Variants in MANBA observed in about 807,000 individuals in gnomAD.
MANBA encodes beta-mannosidase.
A neutral mutation model predicts 111.1 loss-of-function variants in MANBA; 83 were observed. The ratio of observed to expected loss-of-function variants is 0.75; its 90% CI spans 0.63 to 0.90. The LOEUF is 0.90. MANBA is among the 40% of genes least tolerant of loss of function. The pLI, the probability that MANBA is intolerant of heterozygous loss-of-function variation, is 0.00. For missense variants in MANBA, 1,036 were observed against 1,069.0 expected, an observed-to-expected ratio of 0.97 and a Z score of 0.43; for synonymous variants, 370 against 378.7, an observed-to-expected ratio of 0.98 and a Z score of 0.27.
In MANBA at chr4:102,723,889, C is replaced by T. The variant is rs1722681895; in HGVS notation, c.351G>A (p.Gly117=). 1.2e-6 allele frequency: 2 copies of T among 1,603,558 alleles called. No homozygotes were observed. The highest frequency in any genetic ancestry group is 1.3e-5 in the African/African-American group (1 of 74,418). ...ATCTATTGAACATATTGTCTGTTTC[C>T]CCAATAGTGACTTCATTGAACAGGA... is the stretch of plus-strand genomic sequence containing the variant. ...SKILFNEVTI[G]ETDNMFNRYS... Residue 117 remains glycine, a synonymous_variant, in exon 3 of 17, where the codon GGG becomes GGA. Coordinates refer to ENST00000647097, the MANE Select transcript of MANBA (RefSeq NM_005908.4).
chr4:102,632,764 T>G (rs1219658078), intron 16 of MANBA, among the ~76,000 whole-genome samples: 1 of 152,270 alleles, frequency 6.6e-6, no homozygotes, highest in East Asian at 1.9e-4. Flanking sequence ...AGCTTATCTC[T>G]TTTACTGCAT....
Position 102,657,804 on chromosome 4 carries a change from AATAATTGCTATTAGG to A in MANBA, c.1567_1581del (p.Pro523_Tyr527del), listed in dbSNP as rs1242664226. 1 of 1,613,646 alleles carries A rather than the reference AATAATTGCTATTAGG, an allele frequency of 6.2e-7. No homozygotes were observed. The highest frequency in any genetic ancestry group is 1.3e-5 in the African/African-American group (1 of 74,920). Reference sequence around the variant, plus strand: ...TAGTCATAAAAATGTACATCACCAAAATAATTGCTATTAGGGTTTTGAGAGACCCAGGCTTCTGCA... The same window carrying A: ...TAGTCATAAAAATGTACATCACCAAAGTTTTGAGAGACCCAGGCTTCTGCA... On this transcript the variant is annotated inframe_deletion, in exon 12 of 17. Transcript: ENST00000647097.
Position 102,634,998 on chromosome 4 carries a change from C to T in MANBA, c.2205G>A (p.Val735=). The T allele has an allele frequency of 3.1e-6, 5 of 1,614,204 alleles. No individual in the cohort carries two copies. The highest frequency in any genetic ancestry group is 4.2e-6 in the Non-Finnish European group (5 of 1,180,016). Residue 735 remains valine, a synonymous_variant, in exon 16 of 17, where the codon GTG becomes GTA. Transcript: ENST00000647097. Reference sequence around the variant, plus strand: ...CTCCTTTCATCACAAAACGTTCAGTCACACGAGAGCACACGGGCTCCAGGG... The same window carrying T: ...CTCCTTTCATCACAAAACGTTCAGTTACACGAGAGCACACGGGCTCCAGGG... The part of the protein sequence containing the change: ...WSSLEPVCSR[V]TERFVMKGGE...
intron 7 of MANBA, among the ~76,000 whole-genome samples, chr4:102,683,168 T>C (rs1254469754): frequency 6.7e-6 from 1 of 149,932 alleles, no homozygotes; most frequent in African/African-American, 2.5e-5. Context: ...CAAAGTGACA[T>C]TAAAAAAGAA....
At chr4:102,658,758 G>A (rs1283866958) in intron 11 of MANBA, 1 of 152,208 alleles carries the variant, frequency 6.6e-6, no homozygotes, top group East Asian at 1.9e-4. Context: ...GGAATAAGGT[G>A]TCTATATCTC....
At chr4:102,726,097 T>G (rs1722784169) in intron 2 of MANBA, among the ~76,000 whole-genome samples, 1 of 148,490 alleles carries the variant, frequency 6.7e-6, no homozygotes, top group Non-Finnish European at 1.5e-5. Context: ...AGTAAATAAT[T>G]ACCAAAAAAA....
intron 11 of MANBA, among the ~76,000 whole-genome samples, chr4:102,661,949 G>C (rs1448441187): frequency 1.3e-5 from 2 of 152,146 alleles, no homozygotes; most frequent in Non-Finnish European, 2.9e-5. Context: ...CTAATACTTT[G>C]ATGGAAACTA....
chr4:102,757,291 T>C (rs1243089572), intron 1 of MANBA, among the ~76,000 whole-genome samples: 1 of 151,396 alleles, frequency 6.6e-6, no homozygotes, highest in Non-Finnish European at 1.5e-5. Flanking sequence ...ATAGTACCAT[T>C]GCATTCCAGC....
rs1349659532 is a variant in MANBA, at chr4:102,748,901, A to G, written c.177+11817T>C. Among the ~76,000 whole-genome samples the G allele has an allele frequency of 2.0e-5, 3 of 152,154 alleles. No individual in the cohort carries two copies. In the East Asian group the frequency reaches 5.8e-4, roughly 29 times the overall value. On this transcript the variant is annotated intron_variant, in intron 1 of 16. Coordinates refer to ENST00000647097, the MANE Select transcript of MANBA (RefSeq NM_005908.4). ...GCACTCCAGCCTGGGTGACAAAGCA[A>G]GACTCCATCTAAAAAGAAAAAAAAA...
chr4:102,713,586 A>G (rs1470341953), intron 5 of MANBA, among the ~76,000 whole-genome samples: 2 of 152,216 alleles, frequency 1.3e-5, no homozygotes, highest in African/African-American at 4.8e-5. Flanking sequence ...TCAACTTAAA[A>G]AGTACTATTT....
chr4:102,660,631 AT>A (rs1560755018), intron 11 of MANBA, among the ~76,000 whole-genome samples: 2 of 151,358 alleles, frequency 1.3e-5, no homozygotes, highest in Admixed American at 6.6e-5. Context: ...AATTTTTTAA[AT>A]TTTTTTGGAG....
At chr4:102,687,187 G>A (rs1732255839) in intron 7 of MANBA, among the ~76,000 whole-genome samples, 1 of 151,976 alleles carries the variant, frequency 6.6e-6, no homozygotes, top group African/African-American at 2.4e-5. Flanking sequence ...ACATCATCAA[G>A]CCTGCTGAGG....
chr4:102,631,086 C>T lies in MANBA; in HGVS notation c.*971G>A, dbSNP rs1729354375. ...CTACGGAGTCCCAGCCCTAAGTCCC[C>T]TTATCCCCTTGATAAGGCTTTGTGT... is the stretch of plus-strand genomic sequence containing the variant. On this transcript the variant is annotated 3_prime_UTR_variant, in exon 17 of 17. Coordinates refer to ENST00000647097, the MANE Select transcript of MANBA (RefSeq NM_005908.4). 6.6e-6 allele frequency: 1 copy of T among 150,862 alleles called. No individual in the cohort carries two copies. Among genetic ancestry groups the T allele is most frequent in the Non-Finnish European group, 1.5e-5 (1 of 68,354 alleles). 9.3% of individuals were successfully genotyped at this position (150,862 alleles called of 1,614,324 possible).
chr4:102,755,394 G>A (rs1723971609), intron 1 of MANBA, among the ~76,000 whole-genome samples: 1 of 152,166 alleles, frequency 6.6e-6, no homozygotes. Flanking sequence ...TTAATAAATG[G>A]TGCTGGGAAA....
At position 102,760,836 on chromosome 4, in the gene MANBA, T is replaced by C; in HGVS notation, c.59A>G (p.Glu20Gly). 2 of 1,569,722 alleles carry C rather than the reference T, an allele frequency of 1.3e-6. No individual in the cohort carries two copies. Among genetic ancestry groups the C allele is most frequent in the Non-Finnish European group, 1.7e-6 (2 of 1,158,090 alleles). ...ALCGAGTTAA[E>G]LSYSLRGNWS... is the part of the protein sequence containing the mutation. Reference sequence around the variant, plus strand: ...GTTGCCACGCAAGCTGTAACTGAGCTCCGCGGCGGTGGTGCCTGCACCGCA... The same window carrying C: ...GTTGCCACGCAAGCTGTAACTGAGCCCCGCGGCGGTGGTGCCTGCACCGCA... Residue 20 changes from glutamate to glycine, a missense_variant, in exon 1 of 17, where the codon GAG (glutamate) becomes GGG (glycine). Glu to Gly is a moderately conservative substitution (Grantham distance 98). Transcript: ENST00000647097.
chr4:102,726,636 C>T lies in MANBA; in HGVS notation c.225G>A (p.Leu75=), dbSNP rs1297315915. Residue 75 remains leucine, a synonymous_variant, in exon 2 of 17, where the codon TTG becomes TTA. Transcript: ENST00000647097. ...FNDLNYRWVS[L]DNWTYSKEFK... ...ATTCTTTGCTATAGGTCCAGTTATC[C>T]AAAGAGACCCATCTGTAGTTAAGGT... is the stretch of plus-strand genomic sequence containing the variant. The T allele has an allele frequency of 6.4e-7, 1 of 1,574,164 alleles. No homozygotes were observed. The highest frequency in any genetic ancestry group is 1.7e-5 in the Admixed American group (1 of 59,876).
In MANBA at chr4:102,639,853, A is replaced by G; in HGVS notation, c.1874T>C (p.Met625Thr). 1.9e-6 allele frequency: 3 copies of G among 1,614,118 alleles called. No individual in the cohort carries two copies. Among genetic ancestry groups the G allele is most frequent in the Non-Finnish European group, 2.5e-6 (3 of 1,179,978 alleles). Residue 625 changes from methionine to threonine, a missense_variant, in exon 14 of 17, where the codon ATG (methionine) becomes ACG (threonine). Met to Thr is a moderately conservative substitution (Grantham distance 81, BLOSUM62 -1). Transcript: ENST00000647097. ...FKDTIYLTQVMQAQCVKTETE... is the reference protein window; with the variant it reads ...FKDTIYLTQVTQAQCVKTETE... Reference sequence around the variant, plus strand: ...TTCTGTTTTGACACACTGGGCCTGCATCACCTGATTCAGGAAAACATTCAT... The same window carrying G: ...TTCTGTTTTGACACACTGGGCCTGCGTCACCTGATTCAGGAAAACATTCAT...
intron 8 of MANBA, chr4:102,672,278 T>C (rs1165456392): frequency 2.6e-6 from 1 of 389,852 alleles, no homozygotes; most frequent in African/African-American, 2.1e-5. Context: ...TATACATTTG[T>C]AAATATGCTA....
At chr4:102,687,882 C>CA (rs1732289037) in intron 7 of MANBA, among the ~76,000 whole-genome samples, 1 of 151,984 alleles carries the variant, frequency 6.6e-6, no homozygotes, top group South Asian at 2.1e-4. Context: ...GAATCAGCCT[C>CA]AAAAAATAGC....
Sources: allele counts gnomAD v4.1 joint callset (sites outside exome capture counted in the v4.1 genomes callset), GRCh38; gene constraint gnomAD v4.1.1; transcripts MANE v1.5; gene names NCBI Gene and HGNC (gene_info 2026-07-23, HGNC 2026-07-21).